DOCK1: variants seen among roughly 807,000 people sequenced by gnomAD.
The protein encoded by DOCK1 is dedicator of cytokinesis protein 1.
A neutral mutation model predicts 262.7 loss-of-function variants in DOCK1; 138 were observed. The observed-to-expected ratio is 0.53, with a 90% confidence interval of 0.46 to 0.61. DOCK1 has a LOEUF of 0.61. Among genes scored for constraint, DOCK1 ranks in the 20% least tolerant of loss-of-function variants. The pLI is 0.00. For missense variants in DOCK1, 1,908 were observed against 2,370.7 expected (o/e 0.80, Z 4.05); for synonymous variants, 866 against 867.4 (o/e 1.00, Z 0.03).
chr10:126,971,193 G>A (rs1230342825), intron 2 of DOCK1, among the ~76,000 whole-genome samples: 6 of 151,932 alleles, frequency 3.9e-5, no homozygotes, highest in Admixed American at 3.9e-4. Flanking sequence ...TGGGATTACA[G>A]GTGCCCGCCA....
rs1204124499 is a variant in DOCK1, at chr10:127,372,449, G to A, written c.3433-1332G>A. Among the ~76,000 whole-genome samples the A allele has an allele frequency of 3.9e-5, 6 of 152,262 alleles. No homozygotes were observed. In the East Asian group the frequency reaches 5.8e-4, roughly 15 times the overall value. ...TTGTGATTTATCAACCCTCTAGACC[G>A]CTCCTTTGCTGACATATTAAGCCCT... On this transcript the variant is annotated intron_variant, in intron 33 of 51. Transcript: ENST00000623213.
intron 16 of DOCK1, among the ~76,000 whole-genome samples, chr10:127,027,267 G>A (rs1003339784): frequency 6.6e-6 from 1 of 152,242 alleles, no homozygotes. Context: ...TGGAGCTTAA[G>A]CATGAGCCTC....
chr10:126,922,219 A>AT (rs1291558344), intron 1 of DOCK1, among the ~76,000 whole-genome samples: 1 of 151,420 alleles, frequency 6.6e-6, no homozygotes, highest in Non-Finnish European at 1.5e-5. Flanking sequence ...CAAAAAAAAA[A>AT]AAAAAAAAAA....
In DOCK1 at chr10:127,000,319, C is replaced by T. The variant is rs1591594444; in HGVS notation, c.985+12C>T. 1 of 1,612,544 alleles carries T rather than the reference C, an allele frequency of 6.2e-7. No homozygotes were observed. The highest frequency in any genetic ancestry group is 8.5e-7 in the Non-Finnish European group (1 of 1,179,186). ...TTTTGGAGTGGCTGGTAATCTATTT[C>T]TCTGTGTTTCCTTGAGAGTTTCAGA... is the stretch of plus-strand genomic sequence containing the variant. On this transcript the variant is annotated intron_variant, in intron 10 of 51. Transcript: ENST00000623213.
Position 127,409,097 on chromosome 10 carries a change from C to T in DOCK1, c.4183C>T (p.Leu1395Phe). 6.2e-7 allele frequency: 1 copy of T among 1,604,930 alleles called. No homozygotes were observed. Residue 1395 changes from leucine (L) to phenylalanine (F), a missense_variant, in exon 41 of 52, where the codon CTC (leucine) becomes TTC (phenylalanine). Leu to Phe is a conservative substitution (Grantham distance 22, BLOSUM62 0). This residue lies in a region of DOCK1 where 267 missense variants were observed against 366.3 expected (regional missense o/e 0.73). Transcript: ENST00000623213. The part of the protein sequence containing the change: ...YERREDFEAR[L>F]LTQFPNAEKM... Reference sequence around the variant, plus strand: ...GCGCCGGGAAGATTTTGAGGCTCGGCTCTTAACTCAGTTTCCAAACGCCGA... The same window carrying T: ...GCGCCGGGAAGATTTTGAGGCTCGGTTCTTAACTCAGTTTCCAAACGCCGA...
chr10:127,093,111 G>A (rs773276210), intron 23 of DOCK1, among the ~76,000 whole-genome samples: 1 of 151,920 alleles, frequency 6.6e-6, no homozygotes, highest in Admixed American at 6.6e-5. Context: ...AGTCCTCGAT[G>A]TGCTGTGGTT....
chr10:127,018,638 A>C, intron 12 of DOCK1, 72 bp from the exon 13 acceptor site: 1 of 1,605,728 alleles, frequency 6.2e-7, no homozygotes, highest in Non-Finnish European at 8.5e-7. Context: ...CATTCATTGA[A>C]ATTGGTTTCG....
At chr10:127,376,051 G>A (rs567231879) in intron 35 of DOCK1, among the ~76,000 whole-genome samples, 2 of 152,250 alleles carry the variant, frequency 1.3e-5, no homozygotes, top group African/African-American at 2.4e-5. Context: ...TACAATGCAC[G>A]CTAAAGACAA....
At chr10:127,213,438 T>C (rs1372038758) in intron 27 of DOCK1, among the ~76,000 whole-genome samples, 1 of 152,232 alleles carries the variant, frequency 6.6e-6, no homozygotes. Context: ...GGGTGGAATT[T>C]ACATGGTTTG....
At chr10:127,276,514 C>T (rs1453579143) in intron 29 of DOCK1, among the ~76,000 whole-genome samples, 3 of 152,140 alleles carry the variant, frequency 2.0e-5, no homozygotes, top group Non-Finnish European at 4.4e-5. Context: ...CTTCTCTCGC[C>T]ACCCGTGCTT....
intron 21 of DOCK1, 26 bp from the exon 22 acceptor site, chr10:127,052,655 T>C: frequency 1.2e-6 from 2 of 1,613,978 alleles, no homozygotes; most frequent in African/African-American, 2.7e-5. Context: ...CCTGAGCTTA[T>C]TTGTGCGTGT....
intron 27 of DOCK1, among the ~76,000 whole-genome samples, chr10:127,141,816 C>T (rs1188192756): frequency 6.6e-6 from 1 of 152,226 alleles, no homozygotes; most frequent in Non-Finnish European, 1.5e-5. Flanking sequence ...ACAAATAGGG[C>T]TCTGCCTGGA....
At chr10:127,407,269 C>A (rs570264137) in intron 40 of DOCK1, among the ~76,000 whole-genome samples, 1 of 152,050 alleles carries the variant, frequency 6.6e-6, no homozygotes, top group Non-Finnish European at 1.5e-5. Flanking sequence ...TTCACAGTTC[C>A]GGAGGCTGGG....
chr10:127,082,217 TCTC>T (rs2046943487), intron 23 of DOCK1, among the ~76,000 whole-genome samples: 1 of 152,184 alleles, frequency 6.6e-6, no homozygotes, highest in African/African-American at 2.4e-5. Context: ...ACAGTCATCT[TCTC>T]CTTCTTATGT....
chr10:127,127,042 A>G (rs1454281345), intron 26 of DOCK1, among the ~76,000 whole-genome samples: 2 of 152,090 alleles, frequency 1.3e-5, no homozygotes, highest in Non-Finnish European at 2.9e-5. Context: ...CCCTGTTTTT[A>G]TTGGAGAAAA....
chr10:127,158,116 A>G (rs1424576574), intron 27 of DOCK1, among the ~76,000 whole-genome samples: 1 of 152,228 alleles, frequency 6.6e-6, no homozygotes, highest in East Asian at 1.9e-4. Context: ...CAGCATCTGA[A>G]TATGTTCTCC....
At chr10:127,105,854 G>C (rs2048498133) in intron 23 of DOCK1, among the ~76,000 whole-genome samples, 1 of 152,058 alleles carries the variant, frequency 6.6e-6, no homozygotes, top group Non-Finnish European at 1.5e-5. Flanking sequence ...CTACTTCCTG[G>C]GCTCAGGTGA....
At chr10:127,411,040 T>C in intron 43 of DOCK1, 116 bp downstream of exon 43, 1 of 1,013,898 alleles carries the variant, frequency 9.9e-7, no homozygotes, top group South Asian at 1.6e-5. Context: ...ATTAAATGTC[T>C]TTGTGTATTA....
intron 23 of DOCK1, among the ~76,000 whole-genome samples, chr10:127,072,581 G>T (rs937361503): frequency 6.6e-6 from 1 of 152,200 alleles, no homozygotes; most frequent in East Asian, 1.9e-4. Context: ...GTCACCATGA[G>T]GTGCTTGGAT....
Sources: gnomAD v4.1 joint callset for allele counts (sites outside exome capture counted in the v4.1 genomes callset) on GRCh38, gnomAD v4.1.1 for gene constraint, gnomAD v4.1.1 regional missense constraint, MANE v1.5 for transcripts, NCBI Gene and HGNC (gene_info 2026-07-23, HGNC 2026-07-21) for gene names.